MAOB: variants seen among roughly 807,000 people sequenced by gnomAD.
MAOB encodes amine oxidase [flavin-containing] B.
A neutral mutation model predicts 41.9 loss-of-function variants in MAOB; 15 were observed. The observed-to-expected ratio is 0.36, with a 90% CI of 0.24 to 0.55. The LOEUF is 0.55. MAOB is among the 20% of genes least tolerant of loss of function. The pLI is 0.86. For synonymous variants in MAOB, 167 were observed against 144.2 expected (o/e 1.16, Z -1.13); for missense variants, 345 against 398.7 (o/e 0.87, Z 1.15).
intron 3 of MAOB, among the ~76,000 whole-genome samples, chrX:43,814,407 C>A (rs1240335685): frequency 8.9e-6 from 1 of 111,915 alleles, no homozygotes; most frequent in Non-Finnish European, 1.9e-5. Context: ...TATCCATCAG[C>A]GCAAAGTATA....
At chrX:43,790,979 C>T (rs755715057) in intron 8 of MAOB, among the ~76,000 whole-genome samples, 111 of 111,710 alleles carry the variant, frequency 9.9e-4, no homozygotes, top group African/African-American at 3.3e-3. Context: ...GGTCCTAAAC[C>T]TTATCTACTT....
At chrX:43,868,306 C>T (rs942866923) in intron 1 of MAOB, among the ~76,000 whole-genome samples, 11 of 112,330 alleles carry the variant, frequency 9.8e-5, no homozygotes, top group African/African-American at 3.2e-4. Flanking sequence ...CTTCTACATG[C>T]AAAATGCTTT....
At chrX:43,821,493 C>T (rs375701126) in intron 3 of MAOB, among the ~76,000 whole-genome samples, 4 of 111,310 alleles carry the variant, frequency 3.6e-5, no homozygotes, top group South Asian at 3.8e-4. Context: ...AAATATTATC[C>T]GAATGCTTTT....
intron 3 of MAOB, among the ~76,000 whole-genome samples, chrX:43,832,727 A>G (rs771276036): frequency 8.9e-6 from 1 of 112,031 alleles, no homozygotes; most frequent in Admixed American, 9.5e-5. Context: ...GTCAAGTTAT[A>G]TAAGAATTTC....
At chrX:43,842,130 T>TACCTG (rs2035144334) in intron 2 of MAOB, among the ~76,000 whole-genome samples, 4 of 112,165 alleles carry the variant, frequency 3.6e-5, no homozygotes, top group Non-Finnish European at 5.6e-5. Flanking sequence ...AAATGATAGT[T>TACCTG]TTCTTTACAT....
At chrX:43,816,812 A>G (rs1339694520) in intron 3 of MAOB, among the ~76,000 whole-genome samples, 1 of 111,940 alleles carries the variant, frequency 8.9e-6, no homozygotes, top group Non-Finnish European at 1.9e-5. Flanking sequence ...TTGGATTTGG[A>G]GTGGTCACCG....
intron 1 of MAOB, among the ~76,000 whole-genome samples, chrX:43,880,008 TCAGA>T (rs2035463366): frequency 8.9e-6 from 1 of 112,291 alleles, no homozygotes; most frequent in Non-Finnish European, 1.9e-5. Flanking sequence ...TTAGATTTTC[TCAGA>T]CAGAGTTTGA....
At chrX:43,808,204 T>C (rs920488891) in intron 3 of MAOB, among the ~76,000 whole-genome samples, 5 of 112,004 alleles carry the variant, frequency 4.5e-5, no homozygotes, top group African/African-American at 1.6e-4. Context: ...CACAAAGAGA[T>C]AAAACCATAA....
chrX:43,827,549 G>A (rs2034963864), intron 3 of MAOB, among the ~76,000 whole-genome samples: 1 of 111,737 alleles, frequency 8.9e-6, no homozygotes, highest in Non-Finnish European at 1.9e-5. Context: ...TTAAGGCCTA[G>A]GCTGTCAAAC....
In MAOB at chrX:43,867,738, C is replaced by T. The variant is rs1041256602; in HGVS notation, c.46+14516G>A. Among the ~76,000 whole-genome samples the T allele has an allele frequency of 1.8e-4, 20 of 112,270 alleles. 1 individual carries two copies. Among genetic ancestry groups the T allele is most frequent in the Non-Finnish European group, 3.4e-4 (18 of 53,237 alleles). On this transcript the variant is annotated intron_variant, in intron 1 of 14. Coordinates refer to ENST00000378069, the MANE Select transcript of MAOB (RefSeq NM_000898.5). ...CTTTAGAAATACCAGGCAGATATTGCTGTTATTATATTTTGCACATGTATT... is the reference window on the plus strand; with the variant it reads ...CTTTAGAAATACCAGGCAGATATTGTTGTTATTATATTTTGCACATGTATT...
intron 12 of MAOB, among the ~76,000 whole-genome samples, chrX:43,772,723 A>T (rs769081133): frequency 8.1e-5 from 9 of 111,589 alleles, no homozygotes; most frequent in Non-Finnish European, 1.3e-4. Flanking sequence ...CCAATGCTTG[A>T]GGTGGGGCCT....
At chrX:43,816,245 G>A (rs1366369854) in intron 3 of MAOB, among the ~76,000 whole-genome samples, 1 of 111,718 alleles carries the variant, frequency 9.0e-6, no homozygotes. Flanking sequence ...AGGCCTGTGG[G>A]GGCTGTAGCG....
intron 1 of MAOB, among the ~76,000 whole-genome samples, chrX:43,871,276 G>A (rs1444995918): frequency 9.0e-6 from 1 of 111,553 alleles, no homozygotes; most frequent in Non-Finnish European, 1.9e-5. Context: ...TGAAGGTAGT[G>A]GGACAGCCTA....
chrX:43,853,714 G>GA (rs2035270235), intron 1 of MAOB, among the ~76,000 whole-genome samples: 1 of 111,409 alleles, frequency 9.0e-6, no homozygotes, highest in Non-Finnish European at 1.9e-5. Context: ...AGAACTCCAT[G>GA]AAAAAATGAA....
intron 5 of MAOB, among the ~76,000 whole-genome samples, chrX:43,798,618 G>C (rs3027453): frequency 0.057 from 6,368 of 111,417 alleles, 384 homozygotes; most frequent in South Asian, 0.18. Flanking sequence ...ATCTAGCACA[G>C]CATAAAATTC....
intron 3 of MAOB, among the ~76,000 whole-genome samples, chrX:43,818,726 C>T (rs2034847463): frequency 1.8e-5 from 2 of 112,338 alleles, no homozygotes; most frequent in Non-Finnish European, 3.8e-5. Flanking sequence ...CTTTTAAGTG[C>T]TACTAACACT....
intron 1 of MAOB, among the ~76,000 whole-genome samples, chrX:43,849,667 CA>C (rs2035235535): frequency 8.9e-6 from 1 of 112,840 alleles, no homozygotes; most frequent in East Asian, 2.8e-4. Context: ...CCTTGAAGCT[CA>C]GAAAACTTTT....
chrX:43,769,503 T>C (rs2034154293), intron 12 of MAOB, 85 bp from the exon 13 acceptor site: 1 of 1,079,437 alleles, frequency 9.3e-7, no homozygotes, highest in Admixed American at 3.6e-5. Flanking sequence ...GCTGGTCAGC[T>C]TCCACAGATT....
chrX:43,810,530 G>C (rs1179978146), intron 3 of MAOB, among the ~76,000 whole-genome samples: 1 of 110,245 alleles, frequency 9.1e-6, no homozygotes, highest in African/African-American at 3.3e-5. Flanking sequence ...TAGAGAGATA[G>C]AGCCACAAAA....
Sources: allele counts gnomAD v4.1 joint callset (sites outside exome capture counted in the v4.1 genomes callset), GRCh38; gene constraint gnomAD v4.1.1; transcripts MANE v1.5; gene names NCBI Gene and HGNC (gene_info 2026-07-23, HGNC 2026-07-21).